VTI1A: variants seen among roughly 807,000 people sequenced by gnomAD.
The protein encoded by VTI1A is vesicle transport through interaction with t-SNAREs homolog 1A.
Under a neutral mutation model 34.9 loss-of-function variants are expected in VTI1A, and 22 were observed. The ratio of observed to expected loss-of-function variants is 0.63; its 90% CI spans 0.45 to 0.90. VTI1A has a LOEUF of 0.90. VTI1A is among the 40% of genes least tolerant of loss of function. The probability of loss-of-function intolerance (pLI) is 0.00; values close to 1 mark genes in which losing one functional copy is unlikely to be tolerated. For missense variants in VTI1A, 268 were observed against 275.6 expected (o/e 0.97, Z 0.20); for synonymous variants, 87 against 97.3 (o/e 0.89, Z 0.62).
At chr10:112,460,701 T>C (rs1165140809) in intron 2 of VTI1A, 119 bp downstream of exon 2, 1 of 743,446 alleles carries the variant, frequency 1.3e-6, no homozygotes, top group Non-Finnish European at 2.0e-6. Flanking sequence ...CATTTTATAA[T>C]TCAGAATTTG....
At chr10:112,756,129 T>C (rs1411064586) in intron 7 of VTI1A, among the ~76,000 whole-genome samples, 2 of 152,182 alleles carry the variant, frequency 1.3e-5, no homozygotes, top group East Asian at 1.9e-4. Flanking sequence ...AGAATAATTA[T>C]GCTCCGTGGC....
intron 3 of VTI1A, among the ~76,000 whole-genome samples, chr10:112,497,318 A>C (rs74450523): frequency 6.9e-6 from 1 of 145,518 alleles, no homozygotes. Context: ...ACTCCGTCTC[A>C]AAAAAAAAAA....
intron 5 of VTI1A, among the ~76,000 whole-genome samples, chr10:112,667,155 C>T (rs537289916): frequency 5.9e-5 from 9 of 152,056 alleles, no homozygotes; most frequent in Admixed American, 5.9e-4. Flanking sequence ...CATTAAATTA[C>T]TTGTTATTAT....
chr10:112,461,374 C>T (rs1281840046), intron 2 of VTI1A, among the ~76,000 whole-genome samples: 3 of 152,170 alleles, frequency 2.0e-5, no homozygotes, highest in Non-Finnish European at 4.4e-5. Context: ...GTATTCTTGG[C>T]AGACCAGGCA....
At chr10:112,664,806 G>A (rs907687381) in intron 5 of VTI1A, among the ~76,000 whole-genome samples, 1 of 152,094 alleles carries the variant, frequency 6.6e-6, no homozygotes, top group Admixed American at 6.5e-5. Context: ...CAGGACCACT[G>A]TGGAAAGGAG....
chr10:112,625,749 G>C (rs557487077), intron 5 of VTI1A, among the ~76,000 whole-genome samples: 193 of 152,218 alleles, frequency 1.3e-3, no homozygotes, highest in South Asian at 8.3e-3. Context: ...GGGGACTTAG[G>C]GGGAAAGGGT....
chr10:112,531,816 C>T (rs1440767631), intron 4 of VTI1A, among the ~76,000 whole-genome samples: 2 of 152,246 alleles, frequency 1.3e-5, no homozygotes, highest in East Asian at 3.9e-4. Context: ...TTAATGTTTG[C>T]CTTTTTCTCC....
chr10:112,518,469 GAGGC>G (rs1383451337), intron 3 of VTI1A, among the ~76,000 whole-genome samples: 1 of 151,406 alleles, frequency 6.6e-6, no homozygotes, highest in Non-Finnish European at 1.5e-5. Context: ...AGCACTTTGG[GAGGC>G]AGAGATAGGA....
chr10:112,847,569 A>C, the VTI1A span, among the ~76,000 whole-genome samples: 2 of 152,210 alleles, frequency 1.3e-5, no homozygotes, highest in Non-Finnish European at 2.9e-5. Context: ...AGAGCCACTG[A>C]ATCACTCAAC....
At chr10:112,478,024 A>T (rs957527736) in intron 3 of VTI1A, among the ~76,000 whole-genome samples, 2 of 152,132 alleles carry the variant, frequency 1.3e-5, no homozygotes, top group African/African-American at 4.8e-5. Flanking sequence ...GAAGTTTAAA[A>T]TTTTTTACTT....
chr10:112,489,755 T>C (rs992219553), intron 3 of VTI1A, among the ~76,000 whole-genome samples: 1 of 152,086 alleles, frequency 6.6e-6, no homozygotes, highest in East Asian at 1.9e-4. Context: ...AACCAAGAGG[T>C]TGACTTACAT....
the VTI1A span, among the ~76,000 whole-genome samples, chr10:112,849,824 C>T: frequency 1.3e-5 from 2 of 152,158 alleles, no homozygotes; most frequent in African/African-American, 2.4e-5. Flanking sequence ...TTCCCTCCAT[C>T]GGATCAGAGC....
At chr10:112,762,883 T>C (rs1253319454) in intron 7 of VTI1A, among the ~76,000 whole-genome samples, 1 of 152,162 alleles carries the variant, frequency 6.6e-6, no homozygotes, top group East Asian at 1.9e-4. Context: ...GATCAAGACA[T>C]TTAAATCTCA....
chr10:112,789,243 T>C (rs539520295), intron 7 of VTI1A, among the ~76,000 whole-genome samples: 1 of 152,318 alleles, frequency 6.6e-6, no homozygotes, highest in East Asian at 1.9e-4. Flanking sequence ...AAAAATTCTC[T>C]TATTCTTTGT....
At chr10:112,688,746 C>G (rs1440968978) in intron 7 of VTI1A, among the ~76,000 whole-genome samples, 1 of 151,936 alleles carries the variant, frequency 6.6e-6, no homozygotes, top group African/African-American at 2.4e-5. Flanking sequence ...ATCATGTTGG[C>G]TAGGCTGGTC....
chr10:112,774,944 G>C (rs934593950), intron 7 of VTI1A, among the ~76,000 whole-genome samples: 6 of 152,164 alleles, frequency 3.9e-5, no homozygotes, highest in Non-Finnish European at 8.8e-5. Flanking sequence ...CATATCCCAG[G>C]CTAGACCGAA....
chr10:112,811,647 G>A (rs1369495465), intron 7 of VTI1A, among the ~76,000 whole-genome samples: 1 of 128,220 alleles, frequency 7.8e-6, no homozygotes, highest in Non-Finnish European at 1.5e-5. Flanking sequence ...TTGCGCCACT[G>A]CACTCCAGCC....
the VTI1A span, among the ~76,000 whole-genome samples, chr10:112,853,277 A>G: frequency 6.6e-6 from 1 of 152,360 alleles, no homozygotes; most frequent in East Asian, 1.9e-4. Context: ...AACTGCCCAC[A>G]TCCTTGTCCT....
chr10:112,536,187 C>G (rs1323310351), intron 4 of VTI1A, among the ~76,000 whole-genome samples: 5 of 151,958 alleles, frequency 3.3e-5, no homozygotes, highest in Non-Finnish European at 5.9e-5. Context: ...TAAATGTTTT[C>G]TTTTAATTTT....
Sources: gnomAD v4.1 joint callset for allele counts (sites outside exome capture counted in the v4.1 genomes callset) on GRCh38, gnomAD v4.1.1 for gene constraint, MANE v1.5 for transcripts, NCBI Gene and HGNC (gene_info 2026-07-23, HGNC 2026-07-21) for gene names.